Variants in SOX5 observed in about 807,000 individuals in gnomAD.
The protein encoded by SOX5 is transcription factor SOX-5.
Under a neutral mutation model 92.0 loss-of-function variants are expected in SOX5, and 9 were observed. The observed-to-expected ratio is 0.10, with a 90% CI of 0.06 to 0.17. SOX5 has a LOEUF of 0.17. Ranked by LOEUF, SOX5 falls within the 10% of genes least tolerant of loss-of-function variation. SOX5 has a pLI of 1.00. For synonymous variants in SOX5, 344 were observed against 336.3 expected (o/e 1.02, Z -0.25); for missense variants, 642 against 944.5 (o/e 0.68, Z 4.20).
chr12:24,272,684 A>C (rs552455139), intron 3 of SOX5, among the ~76,000 whole-genome samples: 1 of 152,236 alleles, frequency 6.6e-6, no homozygotes, highest in South Asian at 2.1e-4. Context: ...CAAACCTCGT[A>C]TTTCTGGAAT....
intron 4 of SOX5, among the ~76,000 whole-genome samples, chr12:24,049,088 A>G (rs1316537861): frequency 6.6e-6 from 1 of 152,218 alleles, no homozygotes; most frequent in Admixed American, 6.5e-5. Flanking sequence ...CTTAGCATAC[A>G]CGTCCTGAGG....
At chr12:24,486,157 G>A (rs1008975303) in intron 1 of SOX5, among the ~76,000 whole-genome samples, 13 of 152,046 alleles carry the variant, frequency 8.6e-5, no homozygotes, top group African/African-American at 2.4e-4. Flanking sequence ...GGCCAGTCTC[G>A]AACTCCTGGC....
intron 1 of SOX5, among the ~76,000 whole-genome samples, chr12:24,500,596 C>T (rs573006410): frequency 6.6e-6 from 1 of 152,320 alleles, no homozygotes; most frequent in South Asian, 2.1e-4. Context: ...CTCCCCCTTC[C>T]TTTCATAATG....
At chr12:23,658,124 A>T (rs1031287024) in intron 7 of SOX5, among the ~76,000 whole-genome samples, 2 of 152,218 alleles carry the variant, frequency 1.3e-5, no homozygotes, top group African/African-American at 4.8e-5. Context: ...AAAATCAATT[A>T]TGTGACAATA....
intron 1 of SOX5, chr12:24,460,847 C>G (rs1360446816): frequency 6.6e-6 from 1 of 152,186 alleles, no homozygotes; most frequent in African/African-American, 2.4e-5. Context: ...CACAGAGACT[C>G]TTCCAGAAAA....
intron 4 of SOX5, among the ~76,000 whole-genome samples, chr12:24,203,750 T>A (rs1323423840): frequency 6.6e-6 from 1 of 152,220 alleles, no homozygotes; most frequent in Non-Finnish European, 1.5e-5. Flanking sequence ...GTACAACAGT[T>A]CTTTTTTGTT....
At chr12:24,555,110 T>G (rs1479558051) in intron 1 of SOX5, among the ~76,000 whole-genome samples, 1 of 152,230 alleles carries the variant, frequency 6.6e-6, no homozygotes, top group African/African-American at 2.4e-5. Flanking sequence ...GAGCTCGCGC[T>G]GAGGGCCACT....
At chr12:24,390,538 G>C (rs1958890887) in intron 1 of SOX5, among the ~76,000 whole-genome samples, 1 of 152,086 alleles carries the variant, frequency 6.6e-6, no homozygotes, top group South Asian at 2.1e-4. Context: ...CCCAAATAGT[G>C]TACATTGTCC....
At chr12:23,547,210 GA>G (rs1392115751) in intron 11 of SOX5, among the ~76,000 whole-genome samples, 1 of 152,146 alleles carries the variant, frequency 6.6e-6, no homozygotes, top group African/African-American at 2.4e-5. Flanking sequence ...GTCAAATTAA[GA>G]AACTGGGTGA....
chr12:24,036,095 AT>A (rs1272917856), intron 4 of SOX5, among the ~76,000 whole-genome samples: 3 of 152,174 alleles, frequency 2.0e-5, no homozygotes, highest in Non-Finnish European at 4.4e-5. Context: ...AAATACTGAG[AT>A]TCATCTACAT....
chr12:24,216,837 G>A (rs1959192055), intron 3 of SOX5, among the ~76,000 whole-genome samples: 1 of 151,958 alleles, frequency 6.6e-6, no homozygotes. Flanking sequence ...CTGAGGCCGG[G>A]GAATCACTTT....
intron 7 of SOX5, among the ~76,000 whole-genome samples, chr12:23,649,237 G>A (rs2081256346): frequency 6.6e-6 from 1 of 151,848 alleles, no homozygotes; most frequent in Non-Finnish European, 1.5e-5. Context: ...ACAAGGTCAG[G>A]GGTCATTTTT....
At chr12:24,379,841 AAAAG>A (rs1957641182) in intron 1 of SOX5, among the ~76,000 whole-genome samples, 1 of 150,968 alleles carries the variant, frequency 6.6e-6, no homozygotes, top group Non-Finnish European at 1.5e-5. Context: ...TTAAAAAAAA[AAAAG>A]AGTCCTAATT....
chr12:24,043,509 A>ACAATC (rs1956717470), intron 4 of SOX5, among the ~76,000 whole-genome samples: 1 of 152,206 alleles, frequency 6.6e-6, no homozygotes, highest in Non-Finnish European at 1.5e-5. Flanking sequence ...CAGAACTGGG[A>ACAATC]CAATCATCTG....
chr12:24,290,873 G>C (rs1208263765), intron 2 of SOX5, among the ~76,000 whole-genome samples: 1 of 152,190 alleles, frequency 6.6e-6, no homozygotes, highest in African/African-American at 2.4e-5. Flanking sequence ...AGGATGATTA[G>C]AAGTAGGTCA....
At position 23,857,447 on chromosome 12, in the gene SOX5, A is replaced by G. The variant is rs73265693; in HGVS notation, c.271-11254T>C. Among the ~76,000 whole-genome samples, 222 of 152,292 alleles carry G rather than the reference A, an allele frequency of 1.5e-3. 1 individual carries two copies. Among genetic ancestry groups the G allele is most frequent in the African/African-American group, 5.2e-3 (217 of 41,574 alleles). On this transcript the variant is annotated intron_variant, in intron 2 of 14. Transcript: ENST00000451604. ...ATTGTAGCAGTGGGAGTTGAAAAGA[A>G]CCATCAAATCTATCTGTCATCTGTG...
chr12:24,219,672 T>C, intron 3 of SOX5, among the ~76,000 whole-genome samples: 1 of 152,132 alleles, frequency 6.6e-6, no homozygotes, highest in East Asian at 1.9e-4. Context: ...AACCTCTCTG[T>C]TTAGTTAAAA....
chr12:23,688,111 C>T (rs182191751), intron 6 of SOX5, among the ~76,000 whole-genome samples: 1 of 152,044 alleles, frequency 6.6e-6, no homozygotes, highest in Non-Finnish European at 1.5e-5. Context: ...GCTGTACTTA[C>T]ATCTTGCTTG....
chr12:23,643,157 C>T lies in SOX5; in HGVS notation c.932-2260G>A, dbSNP rs142491710. On this transcript the variant is annotated intron_variant, in intron 7 of 14. Transcript: ENST00000451604. ...GGTGACATGGGGATGGAGAGTGAGG[C>T]AGGGACTCCAGAGATATTTAAATGG... Among the ~76,000 whole-genome samples the T allele has an allele frequency of 2.2e-3, 325 of 150,072 alleles. 2 individuals carry two copies. The highest frequency in any genetic ancestry group is 3.8e-3 in the Non-Finnish European group (257 of 67,758).
Sources: gnomAD v4.1 joint callset for allele counts (sites outside exome capture counted in the v4.1 genomes callset) on GRCh38, gnomAD v4.1.1 for gene constraint, MANE v1.5 for transcripts, NCBI Gene and HGNC (gene_info 2026-07-23, HGNC 2026-07-21) for gene names.